Variants in RIN2 observed in about 807,000 individuals in gnomAD.
The protein encoded by RIN2 is RAB5 interacting protein 2.
A neutral mutation model predicts 78.0 loss-of-function variants in RIN2; 36 were observed. That is an observed-to-expected ratio of 0.46 (90% CI 0.35 to 0.61). RIN2 has a LOEUF of 0.61. Ranked by LOEUF, RIN2 falls within the 20% of genes least tolerant of loss-of-function variation. The pLI is 0.00. For missense variants in RIN2, 1,087 were observed against 1,159.7 expected, an observed-to-expected ratio of 0.94 and a Z score of 0.91; for synonymous variants, 466 against 466.8, an observed-to-expected ratio of 1.00 and a Z score of 0.02.
intron 2 of RIN2, chr20:19,823,327 T>C (rs2035984583): frequency 3.4e-6 from 2 of 596,580 alleles, no homozygotes; most frequent in South Asian, 4.1e-5. Context: ...TCTTACTCTT[T>C]CGTGGCTGTT....
chr20:19,922,473 T>C (rs541585610), intron 3 of RIN2, among the ~76,000 whole-genome samples: 1 of 152,008 alleles, frequency 6.6e-6, no homozygotes, highest in Admixed American at 6.5e-5. Flanking sequence ...GATTTTCAGA[T>C]CTGAAAAAAG....
intron 2 of RIN2, among the ~76,000 whole-genome samples, chr20:19,879,287 A>G (rs1427141634): frequency 6.6e-6 from 1 of 152,236 alleles, no homozygotes; most frequent in Non-Finnish European, 1.5e-5. Flanking sequence ...TGACTCTTTC[A>G]TAGACACACA....
In RIN2 at chr20:19,816,491, G is replaced by T. The variant is rs568436852; in HGVS notation, c.-37+16744G>T. 3.3e-5 allele frequency among the ~76,000 whole-genome samples: 5 copies of T among 152,312 alleles called. No homozygotes were observed. The South Asian group carries it at 1.0e-3, about 32-fold the overall frequency. ...GACAAATGGTTAACCAGTTAAATAAGCCAAACAAGGTGTCAGAAGATCAAA... is the reference window on the plus strand; with the variant it reads ...GACAAATGGTTAACCAGTTAAATAATCCAAACAAGGTGTCAGAAGATCAAA... On this transcript the variant is annotated intron_variant, in intron 2 of 12. Coordinates refer to ENST00000255006, the MANE Select transcript of RIN2 (RefSeq NM_018993.4).
chr20:19,800,156 C>T (rs1226213539), intron 2 of RIN2, among the ~76,000 whole-genome samples: 1 of 152,212 alleles, frequency 6.6e-6, no homozygotes, highest in Non-Finnish European at 1.5e-5. Context: ...CTGGCAATAA[C>T]TGAAAGAGGA....
chr20:19,909,475 C>T (rs1374264627), intron 3 of RIN2, among the ~76,000 whole-genome samples: 1 of 152,190 alleles, frequency 6.6e-6, no homozygotes, highest in African/African-American at 2.4e-5. Context: ...CTTTCAACAG[C>T]CAAGTGCTGG....
At chr20:19,766,960 G>A (rs1407150854) in intron 1 of RIN2, among the ~76,000 whole-genome samples, 1 of 151,960 alleles carries the variant, frequency 6.6e-6, no homozygotes, top group African/African-American at 2.4e-5. Context: ...GAGAGGCTTG[G>A]AGCACCTAGG....
intron 1 of RIN2, among the ~76,000 whole-genome samples, chr20:19,762,168 T>C (rs1568728703): frequency 6.6e-6 from 1 of 152,344 alleles, no homozygotes; most frequent in East Asian, 1.9e-4. Context: ...TCCCTCCTCA[T>C]AGGAGCTGCA....
At position 19,904,105 on chromosome 20, in the gene RIN2, G is replaced by A. The variant is rs1037631669; in HGVS notation, c.57+14447G>A. Among the ~76,000 whole-genome samples the A allele has an allele frequency of 9.2e-5, 14 of 151,976 alleles. No homozygotes were observed. In the East Asian group the frequency reaches 1.7e-3, roughly 19 times the overall value. ...AAATTAGCCAGGTGTGGTGGCGCAC[G>A]TCTGTAATCCCAGCCACTCGGGAGG... On this transcript the variant is annotated intron_variant, in intron 3 of 12. Transcript: ENST00000255006.
chr20:19,854,780 G>T (rs560541941), intron 2 of RIN2, among the ~76,000 whole-genome samples: 1 of 152,148 alleles, frequency 6.6e-6, no homozygotes, highest in Non-Finnish European at 1.5e-5. Flanking sequence ...GAGATTTTGG[G>T]CTGAGACGAT....
chr20:19,917,782 C>T (rs986881519), intron 3 of RIN2, among the ~76,000 whole-genome samples: 2 of 151,986 alleles, frequency 1.3e-5, no homozygotes, highest in African/African-American at 4.8e-5. Context: ...GGCGGAATCG[C>T]CTTTTAAAGG....
intron 4 of RIN2, among the ~76,000 whole-genome samples, chr20:19,952,193 T>C (rs555878691): frequency 1.3e-5 from 2 of 152,198 alleles, no homozygotes; most frequent in Non-Finnish European, 2.9e-5. Flanking sequence ...ATCTCACATA[T>C]GTAGAAAGTA....
At chr20:19,891,638 G>A (rs1482006300) in intron 3 of RIN2, among the ~76,000 whole-genome samples, 1 of 152,192 alleles carries the variant, frequency 6.6e-6, no homozygotes, top group Non-Finnish European at 1.5e-5. Flanking sequence ...GGCCAACATG[G>A]CGAAACCCCA....
Position 20,001,688 on chromosome 20 carries a change from G to T in RIN2, c.*752G>T, listed in dbSNP as rs990852856. Reference sequence around the variant, plus strand: ...AATGCCTTTGGAAATCGGATGTACTGTTCTCTTGTTCACGTTTAGTGGTGT... The same window carrying T: ...AATGCCTTTGGAAATCGGATGTACTTTTCTCTTGTTCACGTTTAGTGGTGT... On this transcript the variant is annotated 3_prime_UTR_variant, in exon 13 of 13. Transcript: ENST00000255006. 1 of 152,462 alleles carries T rather than the reference G, an allele frequency of 6.6e-6. No individual in the cohort carries two copies. Among genetic ancestry groups the T allele is most frequent in the Non-Finnish European group, 1.5e-5 (1 of 68,012 alleles). 9.4% of individuals were successfully genotyped at this position (152,462 alleles called of 1,614,324 possible).
chr20:19,777,623 C>T (rs1239061666), intron 1 of RIN2, among the ~76,000 whole-genome samples: 2 of 152,216 alleles, frequency 1.3e-5, no homozygotes, highest in African/African-American at 4.8e-5. Flanking sequence ...CAGAGATGTT[C>T]GCCATGATTT....
chr20:19,844,821 G>C (rs571489043), intron 2 of RIN2, among the ~76,000 whole-genome samples: 12 of 151,660 alleles, frequency 7.9e-5, no homozygotes, highest in Non-Finnish European at 1.5e-4. Flanking sequence ...TGCCATGATG[G>C]TTTGCTGCAC....
chr20:19,961,551 C>T (rs142394254), intron 6 of RIN2, among the ~76,000 whole-genome samples: 1 of 152,106 alleles, frequency 6.6e-6, no homozygotes, highest in Non-Finnish European at 1.5e-5. Context: ...AGAAGCAAGA[C>T]AGAGCCTGGG....
chr20:19,810,481 T>C (rs2035554306), intron 2 of RIN2, among the ~76,000 whole-genome samples: 1 of 152,050 alleles, frequency 6.6e-6, no homozygotes, highest in South Asian at 2.1e-4. Flanking sequence ...GGTCACAATG[T>C]GAGCGCTTGG....
chr20:19,800,656 C>G (rs933538080), intron 2 of RIN2, among the ~76,000 whole-genome samples: 11 of 152,194 alleles, frequency 7.2e-5, no homozygotes. Flanking sequence ...GCTCCAGCCC[C>G]CAGCCTTTGA....
chr20:19,789,162 G>A (rs1207283805), intron 1 of RIN2, among the ~76,000 whole-genome samples: 1 of 152,156 alleles, frequency 6.6e-6, no homozygotes, highest in Non-Finnish European at 1.5e-5. Context: ...AATTAAGCGG[G>A]TGTGGAGGCG....
Sources: allele counts gnomAD v4.1 joint callset (sites outside exome capture counted in the v4.1 genomes callset), GRCh38; gene constraint gnomAD v4.1.1; transcripts MANE v1.5; gene names NCBI Gene and HGNC (gene_info 2026-07-23, HGNC 2026-07-21).